Variants in BCR observed in about 807,000 individuals in gnomAD.
The protein encoded by BCR is breakpoint cluster region protein.
BCR carries 58 observed loss-of-function variants against 138.6 expected under a neutral mutation model. The ratio of observed to expected loss-of-function variants is 0.42; its 90% confidence interval spans 0.34 to 0.52. The LOEUF is 0.52. Ranked by LOEUF, BCR falls within the 20% of genes least tolerant of loss-of-function variation. The pLI, the probability that BCR is intolerant of heterozygous loss-of-function variation, is 0.06. For synonymous variants in BCR, 786 were observed against 730.1 expected (o/e 1.08, Z -1.23); for missense variants, 1,599 against 1,727.2 (o/e 0.93, Z 1.32).
intron 1 of BCR, among the ~76,000 whole-genome samples, chr22:23,222,684 G>A (rs1373672133): frequency 6.6e-6 from 1 of 152,140 alleles, no homozygotes; most frequent in African/African-American, 2.4e-5. Flanking sequence ...ACCAGACGTG[G>A]GCTATGTTGT....
At chr22:23,232,538 C>G (rs1423682594) in intron 1 of BCR, among the ~76,000 whole-genome samples, 1 of 152,184 alleles carries the variant, frequency 6.6e-6, no homozygotes, top group Non-Finnish European at 1.5e-5. Context: ...GGACCCAGAG[C>G]ACCACCCTTT....
intron 16 of BCR, among the ~76,000 whole-genome samples, chr22:23,308,534 C>G (rs533181833): frequency 6.6e-6 from 1 of 152,178 alleles, no homozygotes; most frequent in African/African-American, 2.4e-5. Flanking sequence ...CTCAACCTCC[C>G]GACCTCGTGA....
At chr22:23,255,824 C>T (rs368102745) in intron 2 of BCR, among the ~76,000 whole-genome samples, 5 of 152,216 alleles carry the variant, frequency 3.3e-5, no homozygotes, top group South Asian at 4.1e-4. Flanking sequence ...AGATGTTTCT[C>T]GTGGTGCACA....
chr22:23,201,647 T>G (rs1221016380), intron 1 of BCR, among the ~76,000 whole-genome samples: 3 of 152,022 alleles, frequency 2.0e-5, no homozygotes, highest in Non-Finnish European at 4.4e-5. Context: ...TTAGTAGAGG[T>G]GGTTTCACCA....
intron 1 of BCR, among the ~76,000 whole-genome samples, chr22:23,236,145 A>G (rs1020705464): frequency 2.0e-5 from 3 of 152,026 alleles, no homozygotes; most frequent in African/African-American, 7.3e-5. Context: ...TCTGGGTGCC[A>G]CCTCCTGCAC....
At chr22:23,189,345 G>A (rs1440488836) in intron 1 of BCR, among the ~76,000 whole-genome samples, 3 of 151,870 alleles carry the variant, frequency 2.0e-5, no homozygotes, top group East Asian at 1.9e-4. Flanking sequence ...CCCAGCTCCC[G>A]GAAGCCACCG....
chr22:23,181,221 C>A lies in BCR; in HGVS notation c.261C>A (p.Ala87=). 1 of 1,239,434 alleles carries A rather than the reference C, an allele frequency of 8.1e-7. No homozygotes were observed. The highest frequency in any genetic ancestry group is 3.5e-5 in the East Asian group (1 of 28,980). 76.8% of individuals were successfully genotyped at this position (1,239,434 alleles called of 1,614,324 possible). A position where few individuals can be genotyped will look rare whatever the true frequency, so the allele number is the denominator to read the frequency against. ...GCGCGGCGCAGGCCCCCGACGGCGC[C>A]TCCGAGCCCCGAGCGTCCGCGTCGC... ...FRRAAQAPDG[A]SEPRASASRP... Residue 87 remains alanine (A), a synonymous_variant, in exon 1 of 23, where the codon GCC becomes GCA. Coordinates refer to ENST00000305877, the MANE Select transcript of BCR (RefSeq NM_004327.4).
intron 1 of BCR, among the ~76,000 whole-genome samples, chr22:23,202,879 T>C (rs1281256295): frequency 1.3e-5 from 2 of 152,134 alleles, no homozygotes; most frequent in African/African-American, 4.8e-5. Flanking sequence ...TTTGTTTGTT[T>C]TTGAAACAGG....
Position 23,244,464 on chromosome 22 carries a change from C to T in BCR, c.1280-9335C>T, listed in dbSNP as rs562341698. Among the ~76,000 whole-genome samples the T allele has an allele frequency of 1.8e-3, 267 of 152,256 alleles. 1 individual carries two copies. Among genetic ancestry groups the T allele is most frequent in the South Asian group, 8.3e-3 (40 of 4,820 alleles). On this transcript the variant is annotated intron_variant, in intron 1 of 22. Coordinates refer to ENST00000305877, the MANE Select transcript of BCR (RefSeq NM_004327.4). Reference sequence around the variant, plus strand: ...CCTCTCCTCCGTTAGGTCCTGGCTCCGTGGTCATTTCCTCAGGGAGAGGCC... The same window carrying T: ...CCTCTCCTCCGTTAGGTCCTGGCTCTGTGGTCATTTCCTCAGGGAGAGGCC...
At chr22:23,226,401 T>G (rs2072895478) in intron 1 of BCR, among the ~76,000 whole-genome samples, 1 of 152,138 alleles carries the variant, frequency 6.6e-6, no homozygotes, top group African/African-American at 2.4e-5. Context: ...GCAAAGGATC[T>G]TCTTTTGTCT....
intron 1 of BCR, among the ~76,000 whole-genome samples, chr22:23,195,533 C>T (rs1304553407): frequency 6.6e-6 from 1 of 151,640 alleles, no homozygotes; most frequent in Non-Finnish European, 1.5e-5. Flanking sequence ...GCAGGGGTTG[C>T]AGTGAGCCAA....
chr22:23,283,804 G>A, intron 8 of BCR, 173 bp from the exon 9 acceptor site: 1 of 831,656 alleles, frequency 1.2e-6, no homozygotes, highest in Non-Finnish European at 1.8e-6. Context: ...AGGACAGTGA[G>A]ATGAACAAAA....
intron 1 of BCR, among the ~76,000 whole-genome samples, chr22:23,202,747 GTATATATA>G (rs200927033): frequency 6.9e-5 from 10 of 145,244 alleles, no homozygotes; most frequent in African/African-American, 2.7e-4. Context: ...GTGTGTGTGT[GTATATATA>G]TATATATTTA....
chr22:23,181,329 G>A lies in BCR; in HGVS notation c.369G>A (p.Pro123=). The A allele has an allele frequency of 7.1e-7, 1 of 1,413,606 alleles. No homozygotes were observed. Among genetic ancestry groups the A allele is most frequent in the Non-Finnish European group, 9.2e-7 (1 of 1,087,066 alleles). 87.6% of individuals were successfully genotyped at this position (1,413,606 alleles called of 1,614,324 possible). A position where few individuals can be genotyped will look rare whatever the true frequency, so the allele number is the denominator to read the frequency against. The part of the protein sequence containing the change: ...PEARPDGEGS[P]GKARPGTARR... ...CCCGGCCCGACGGCGAGGGTTCTCC[G>A]GGTAAGGCCAGGCCCGGGACCGCCC... is the stretch of plus-strand genomic sequence containing the variant. The change falls in exon 1 of 23, where the codon CCG becomes CCA. Residue 123 remains proline (P), a synonymous_variant. Coordinates refer to ENST00000305877, the MANE Select transcript of BCR (RefSeq NM_004327.4).
chr22:23,300,804 AGAGGCTCACAGTCCAAATCTCATCCCC>A (rs1329420598), intron 16 of BCR, among the ~76,000 whole-genome samples: 1 of 152,238 alleles, frequency 6.6e-6, no homozygotes, highest in African/African-American at 2.4e-5. Context: ...CAAATGAAGC[AGAGGCTCACAGTCCAAATCTCATCCCC>A]GAGGCTCACA....
chr22:23,264,206 G>A (rs1444190834), intron 4 of BCR: 3 of 1,195,740 alleles, frequency 2.5e-6, no homozygotes, highest in Non-Finnish European at 3.7e-6. Context: ...GCGTTGTACG[G>A]CTGTGGGACC....
chr22:23,207,133 T>G (rs933817596), intron 1 of BCR, among the ~76,000 whole-genome samples: 1 of 152,194 alleles, frequency 6.6e-6, no homozygotes, highest in Non-Finnish European at 1.5e-5. Flanking sequence ...TCATTTGAAG[T>G]TGATGTGACA....
intron 1 of BCR, among the ~76,000 whole-genome samples, chr22:23,240,655 GAAAAAAAAAAGAAA>G (rs2073079465): frequency 7.0e-6 from 1 of 142,098 alleles, no homozygotes; most frequent in African/African-American, 2.6e-5. Flanking sequence ...GTCTCAAAAA[GAAAAAAAAAAGAAA>G]AAGAAAAAAA....
At chr22:23,306,224 A>G (rs951157893) in intron 16 of BCR, 6 of 152,182 alleles carry the variant, frequency 3.9e-5, no homozygotes, top group Admixed American at 3.9e-4. Flanking sequence ...CCCGATAAAG[A>G]GCCCTCCTGG....
Sources: gnomAD v4.1 joint callset for allele counts (sites outside exome capture counted in the v4.1 genomes callset) on GRCh38, gnomAD v4.1.1 for gene constraint, MANE v1.5 for transcripts, NCBI Gene and HGNC (gene_info 2026-07-23, HGNC 2026-07-21) for gene names.